Variants in INPP4B observed in about 807,000 individuals in gnomAD.
INPP4B encodes inositol polyphosphate-4-phosphatase type II B.
INPP4B carries 55 observed loss-of-function variants against 122.5 expected under a neutral mutation model. The observed-to-expected ratio is 0.45, with a 90% CI of 0.36 to 0.56. The LOEUF (loss-of-function observed/expected upper bound fraction) is 0.56. Among genes scored for constraint, INPP4B ranks in the 20% least tolerant of loss-of-function variants. INPP4B has a pLI of 0.00. For missense variants in INPP4B, 1,000 were observed against 1,097.7 expected (o/e 0.91, Z 1.26); for synonymous variants, 403 against 388.7 (o/e 1.04, Z -0.43).
chr4:142,775,750 T>C (rs977882000), intron 1 of INPP4B, among the ~76,000 whole-genome samples: 2 of 152,134 alleles, frequency 1.3e-5, no homozygotes, highest in African/African-American at 4.8e-5. Flanking sequence ...TGTTCAGTTT[T>C]TTATATATTT....
intron 23 of INPP4B, among the ~76,000 whole-genome samples, chr4:142,086,804 G>A (rs998909646): frequency 3.9e-5 from 6 of 152,118 alleles, no homozygotes; most frequent in African/African-American, 1.4e-4. Flanking sequence ...AATATCAAGT[G>A]GTCCTACAGT....
At chr4:142,705,458 AACACACACAC>A (rs56300337) in intron 2 of INPP4B, among the ~76,000 whole-genome samples, 1 of 146,308 alleles carries the variant, frequency 6.8e-6, no homozygotes, top group Non-Finnish European at 1.5e-5. Context: ...TCCCACCCCA[AACACACACAC>A]ACACACACAC....
chr4:142,271,346 C>G (rs1745722712), intron 9 of INPP4B, among the ~76,000 whole-genome samples: 1 of 152,112 alleles, frequency 6.6e-6, no homozygotes, highest in Non-Finnish European at 1.5e-5. Flanking sequence ...TCAGAGGTGC[C>G]CTCAAGGAAA....
intron 7 of INPP4B, among the ~76,000 whole-genome samples, chr4:142,325,495 TC>T (rs1561854586): frequency 2.0e-5 from 3 of 152,180 alleles, no homozygotes; most frequent in African/African-American, 7.2e-5. Context: ...GGATATGCTA[TC>T]TTGGGTTTTA....
intron 2 of INPP4B, among the ~76,000 whole-genome samples, chr4:142,597,681 T>G (rs1739013602): frequency 6.6e-6 from 1 of 152,178 alleles, no homozygotes; most frequent in Admixed American, 6.5e-5. Flanking sequence ...CATAAGTCAT[T>G]TAAGAATCTG....
At chr4:142,699,623 A>G (rs976631750) in intron 2 of INPP4B, among the ~76,000 whole-genome samples, 2 of 152,174 alleles carry the variant, frequency 1.3e-5, no homozygotes, top group African/African-American at 4.8e-5. Flanking sequence ...ACTCATGCAT[A>G]TACCTCAAAT....
At chr4:142,522,613 T>C (rs1479599933) in intron 2 of INPP4B, among the ~76,000 whole-genome samples, 1 of 151,962 alleles carries the variant, frequency 6.6e-6, no homozygotes, top group Non-Finnish European at 1.5e-5. Flanking sequence ...CATTAGTAGA[T>C]GAGAGAAGGG....
chr4:142,313,280 C>T (rs920093256), intron 8 of INPP4B, among the ~76,000 whole-genome samples: 3 of 152,070 alleles, frequency 2.0e-5, no homozygotes, highest in East Asian at 1.9e-4. Flanking sequence ...GGAGTGGGGT[C>T]GGGGCAGGCA....
At chr4:142,501,437 CTT>C (rs1030186334) in intron 2 of INPP4B, among the ~76,000 whole-genome samples, 1 of 151,990 alleles carries the variant, frequency 6.6e-6, no homozygotes, top group Non-Finnish European at 1.5e-5. Context: ...AAACTAAAGA[CTT>C]TATTAAATGA....
chr4:142,618,978 T>C (rs1310020744), intron 2 of INPP4B, among the ~76,000 whole-genome samples: 2 of 152,006 alleles, frequency 1.3e-5, no homozygotes, highest in Admixed American at 6.6e-5. Flanking sequence ...CCAACAGATA[T>C]ATGAAATGCT....
In INPP4B at chr4:142,438,908, G is replaced by C. The variant is rs547121891; in HGVS notation, c.-126-7523C>G. Among the ~76,000 whole-genome samples the C allele has an allele frequency of 1.4e-4, 21 of 152,280 alleles. No homozygotes were observed. In the South Asian group the frequency reaches 4.2e-3, roughly 30 times the overall value. On this transcript the variant is annotated intron_variant, in intron 3 of 25. Coordinates refer to ENST00000262992, the MANE Select transcript of INPP4B (RefSeq NM_001101669.3). ...TTAAATGCCTTCTACATGTAAAGAT[G>C]TTTGGTAGCCTAAAACAATTATTTA...
chr4:142,239,272 C>T (rs1453048308), intron 11 of INPP4B, among the ~76,000 whole-genome samples: 1 of 152,090 alleles, frequency 6.6e-6, no homozygotes, highest in Non-Finnish European at 1.5e-5. Context: ...CATTCTTCAA[C>T]CACCAGATTC....
chr4:142,071,406 C>CT (rs1238535973), intron 25 of INPP4B, among the ~76,000 whole-genome samples: 1 of 152,080 alleles, frequency 6.6e-6, no homozygotes, highest in African/African-American at 2.4e-5. Flanking sequence ...TAGGCATTAC[C>CT]ATTCAGGACA....
intron 21 of INPP4B, among the ~76,000 whole-genome samples, chr4:142,120,486 C>A (rs1056118677): frequency 6.6e-6 from 1 of 152,048 alleles, no homozygotes; most frequent in African/African-American, 2.4e-5. Flanking sequence ...TTTAGTGGAT[C>A]CTATTAATTT....
At chr4:142,145,701 G>T in intron 18 of INPP4B, 139 bp downstream of exon 18, 3 of 780,598 alleles carry the variant, frequency 3.8e-6, no homozygotes, top group Non-Finnish European at 6.2e-6. Context: ...CATCATCCAA[G>T]CCAGAGCAGT....
At chr4:142,113,803 T>C (rs1021327623) in intron 21 of INPP4B, among the ~76,000 whole-genome samples, 1 of 152,066 alleles carries the variant, frequency 6.6e-6, no homozygotes, top group Non-Finnish European at 1.5e-5. Flanking sequence ...GTGATAATTT[T>C]ACCAGCTTTA....
chr4:142,706,335 G>A (rs1463154519), intron 2 of INPP4B, among the ~76,000 whole-genome samples: 3 of 152,156 alleles, frequency 2.0e-5, no homozygotes, highest in African/African-American at 4.8e-5. Context: ...TGGCGGATAT[G>A]TATGTTGTTT....
rs996603307 is a variant in INPP4B, at chr4:142,836,903, T to C, written c.-254+9306A>G. ...GAAAGGGGCCAGGCGTGGTGGCTCA[T>C]GCCTGTAATCCCAGCACTTTGGGAG... On this transcript the variant is annotated intron_variant, in intron 1 of 25. Transcript: ENST00000262992. Among the ~76,000 whole-genome samples the C allele has an allele frequency of 9.9e-5, 15 of 152,250 alleles. No individual in the cohort carries two copies. The Middle Eastern group carries it at 0.014, about 138-fold the overall frequency.
rs573117565 is a variant in INPP4B, at chr4:142,054,533, TAC to T, written c.2643-25621_2643-25620del. ...ACAGCATTTCAGATAGTTCACCACA[TAC>T]ACACACACAATAATATAAAAGTGAG... On this transcript the variant is annotated intron_variant, in intron 25 of 25. Coordinates refer to ENST00000262992, the MANE Select transcript of INPP4B (RefSeq NM_001101669.3). Among the ~76,000 whole-genome samples the T allele has an allele frequency of 3.1e-3, 464 of 152,048 alleles. 3 individuals are homozygous for T. The highest frequency in any genetic ancestry group is 5.5e-3 in the Non-Finnish European group (375 of 67,980).
Sources: allele counts gnomAD v4.1 joint callset (sites outside exome capture counted in the v4.1 genomes callset), GRCh38; gene constraint gnomAD v4.1.1; transcripts MANE v1.5; gene names NCBI Gene and HGNC (gene_info 2026-07-23, HGNC 2026-07-21).